The following DPP10 variants were observed in gnomAD, a reference collection of about 807,000 sequenced individuals.
DPP10 encodes inactive dipeptidyl peptidase 10.
Under a neutral mutation model 120.9 loss-of-function variants are expected in DPP10, and 33 were observed. That is an observed-to-expected ratio of 0.27 (90% confidence interval 0.21 to 0.37). The LOEUF is 0.37. Among genes scored for constraint, DPP10 ranks in the 10% least tolerant of loss-of-function variants. The pLI, the probability that DPP10 is intolerant of heterozygous loss-of-function variation, is 1.00. For missense variants in DPP10, 816 were observed against 942.8 expected (o/e 0.87, Z 1.76); for synonymous variants, 337 against 326.1 (o/e 1.03, Z -0.36).
chr2:115,428,098 A>G (rs2070643528), intron 3 of DPP10, among the ~76,000 whole-genome samples: 1 of 152,216 alleles, frequency 6.6e-6, no homozygotes, highest in African/African-American at 2.4e-5. Context: ...AGTTTCCAAC[A>G]AGTTCCTCAT....
chr2:115,764,446 C>T (rs1680481338), intron 12 of DPP10, among the ~76,000 whole-genome samples: 1 of 151,920 alleles, frequency 6.6e-6, no homozygotes, highest in Non-Finnish European at 1.5e-5. Context: ...CCTGATTTTA[C>T]AGCTAATAAT....
intron 1 of DPP10, among the ~76,000 whole-genome samples, chr2:114,773,032 A>G (rs563799436): frequency 2.0e-5 from 3 of 152,220 alleles, no homozygotes; most frequent in Non-Finnish European, 4.4e-5. Flanking sequence ...TCATTTTCTT[A>G]TCTATAAAAT....
intron 1 of DPP10, among the ~76,000 whole-genome samples, chr2:115,208,191 CT>C (rs760142039): frequency 2.8e-3 from 395 of 138,884 alleles, no homozygotes; most frequent in Middle Eastern, 0.015. Context: ...CATTATTTCT[CT>C]TTTTTTTTTT....
At chr2:115,393,719 C>T (rs1016280004) in intron 3 of DPP10, among the ~76,000 whole-genome samples, 1 of 152,160 alleles carries the variant, frequency 6.6e-6, no homozygotes, top group Non-Finnish European at 1.5e-5. Flanking sequence ...TTTGTTTTTG[C>T]ATAACTACAG....
intron 1 of DPP10, among the ~76,000 whole-genome samples, chr2:114,513,507 G>A (rs1018019752): frequency 2.6e-5 from 3 of 114,340 alleles, no homozygotes; most frequent in Non-Finnish European, 5.0e-5. Flanking sequence ...GGCAACAAGA[G>A]TGAAACTCTA....
At chr2:115,637,994 G>T (rs548653656) in intron 5 of DPP10, among the ~76,000 whole-genome samples, 1 of 152,332 alleles carries the variant, frequency 6.6e-6, no homozygotes, top group East Asian at 1.9e-4. Flanking sequence ...CTGATTGCAT[G>T]TTAGGCTTCA....
chr2:115,440,836 T>TG (rs111742366), intron 3 of DPP10: 24,072 of 152,152 alleles, frequency 0.16, 4,355 homozygotes, highest in African/African-American at 0.43. Context: ...GGCTTTATGT[T>TG]TTCTCTCTTT....
At chr2:115,384,238 T>C (rs1357487151) in intron 3 of DPP10, among the ~76,000 whole-genome samples, 10 of 152,004 alleles carry the variant, frequency 6.6e-5, no homozygotes, top group Admixed American at 6.6e-4. Flanking sequence ...TCCAGGCAGG[T>C]TGGCTCACAC....
intron 5 of DPP10, among the ~76,000 whole-genome samples, chr2:115,545,009 A>AT: frequency 6.6e-6 from 1 of 152,124 alleles, no homozygotes; most frequent in African/African-American, 2.4e-5. Flanking sequence ...AATGACAGTG[A>AT]TTTTTATGTC....
At chr2:114,547,418 C>A (rs143657545) in intron 1 of DPP10, among the ~76,000 whole-genome samples, 1 of 152,212 alleles carries the variant, frequency 6.6e-6, no homozygotes, top group African/African-American at 2.4e-5. Flanking sequence ...GCACACCATG[C>A]AGGTCAAGAG....
intron 1 of DPP10, among the ~76,000 whole-genome samples, chr2:114,850,158 C>G (rs898677485): frequency 6.6e-6 from 1 of 151,634 alleles, no homozygotes; most frequent in African/African-American, 2.4e-5. Context: ...GTAGCTGGGA[C>G]TATAGGTGCA....
chr2:114,765,032 G>C (rs538486392), intron 1 of DPP10, among the ~76,000 whole-genome samples: 10 of 152,034 alleles, frequency 6.6e-5, no homozygotes, highest in Non-Finnish European at 1.3e-4. Flanking sequence ...CAAATGATTG[G>C]TCCATATTGG....
chr2:115,552,086 G>A (rs2079910703), intron 5 of DPP10, among the ~76,000 whole-genome samples: 1 of 151,960 alleles, frequency 6.6e-6, no homozygotes, highest in African/African-American at 2.4e-5. Context: ...AACGGCAAAG[G>A]GTTGCATTAG....
intron 5 of DPP10, among the ~76,000 whole-genome samples, chr2:115,639,181 A>G (rs1019653936): frequency 8.5e-5 from 13 of 152,192 alleles, no homozygotes; most frequent in African/African-American, 3.1e-4. Flanking sequence ...CCCTCTACGT[A>G]TCTTAGGCAT....
In DPP10 at chr2:115,253,494, T is replaced by G. The variant is rs141353582; in HGVS notation, c.61-55745T>G. 3.7e-4 allele frequency among the ~76,000 whole-genome samples: 57 copies of G among 152,202 alleles called. 1 individual carries two copies. Among genetic ancestry groups the G allele is most frequent in the Middle Eastern group, 3.4e-3 (1 of 294 alleles). On this transcript the variant is annotated intron_variant, in intron 1 of 25. Transcript: ENST00000410059. ...AGACAAGGTGAGTCCCTTACACCTA[T>G]GAGCCTGCAAATTCAAAGCAATTTA...
chr2:115,335,861 A>G (rs2063099687), intron 2 of DPP10, among the ~76,000 whole-genome samples: 1 of 152,084 alleles, frequency 6.6e-6, no homozygotes, highest in Admixed American at 6.6e-5. Flanking sequence ...GGGAATGGAG[A>G]TGGTGGTACT....
chr2:115,051,853 G>T (rs1277059953), intron 1 of DPP10, among the ~76,000 whole-genome samples: 1 of 151,986 alleles, frequency 6.6e-6, no homozygotes, highest in African/African-American at 2.4e-5. Flanking sequence ...AAAATGATAA[G>T]CATGTGAGGT....
intron 5 of DPP10, among the ~76,000 whole-genome samples, chr2:115,547,608 A>G (rs1470563273): frequency 6.6e-6 from 1 of 152,070 alleles, no homozygotes; most frequent in African/African-American, 2.4e-5. Flanking sequence ...CCCCGCCTCT[A>G]CAAAAGAATT....
At chr2:115,162,582 C>A (rs1031772374) in intron 1 of DPP10, among the ~76,000 whole-genome samples, 2 of 152,026 alleles carry the variant, frequency 1.3e-5, no homozygotes, top group African/African-American at 4.8e-5. Context: ...TCCCAGACAT[C>A]CGTAGTCTGC....
Sources: gnomAD v4.1 joint callset for allele counts (sites outside exome capture counted in the v4.1 genomes callset) on GRCh38, gnomAD v4.1.1 for gene constraint, MANE v1.5 for transcripts, NCBI Gene and HGNC (gene_info 2026-07-23, HGNC 2026-07-21) for gene names.